ERC1: variants seen among roughly 807,000 people sequenced by gnomAD.
ERC1 encodes RAB6 interacting protein 2.
ERC1 carries 56 observed loss-of-function variants against 132.0 expected under a neutral mutation model. The ratio of observed to expected loss-of-function variants is 0.42; its 90% CI spans 0.34 to 0.53. The LOEUF is 0.53. Among genes scored for constraint, ERC1 ranks in the 20% least tolerant of loss-of-function variants. The probability of loss-of-function intolerance (pLI) is 0.03; values close to 1 mark genes in which losing one functional copy is unlikely to be tolerated. For missense variants in ERC1, 1,202 were observed against 1,349.9 expected, an observed-to-expected ratio of 0.89 and a Z score of 1.72; for synonymous variants, 478 against 476.1, an observed-to-expected ratio of 1.00 and a Z score of -0.05.
At chr12:1,482,699 G>A (rs2094117370) in intron 18 of ERC1, among the ~76,000 whole-genome samples, 2 of 151,916 alleles carry the variant, frequency 1.3e-5, no homozygotes, top group Admixed American at 1.3e-4. Context: ...CACCTGCCTC[G>A]GCCTCCCAAA....
Position 1,180,299 on chromosome 12 carries a change from G to A in ERC1, c.1738-241G>A, listed in dbSNP as rs143619693. 2.9e-3 allele frequency among the ~76,000 whole-genome samples: 380 copies of A among 130,194 alleles called. 2 individuals are homozygous for A. The highest frequency in any genetic ancestry group is 7.5e-3 in the Admixed American group (108 of 14,312). 85.4% of individuals were successfully genotyped at this position (130,194 alleles called of 152,430 possible). On this transcript the variant is annotated intron_variant, in intron 8 of 18. Transcript: ENST00000360905. ...TGTGTGTGTGCGCGCACGCGTGTGC[G>A]CGCGCGCATACACATGTGTACTTTT...
At chr12:999,670 G>A (rs182533571) in intron 1 of ERC1, among the ~76,000 whole-genome samples, 3 of 128,050 alleles carry the variant, frequency 2.3e-5, no homozygotes, top group African/African-American at 8.7e-5. Flanking sequence ...GGAGTGCAAT[G>A]GTGCAACCTC....
intron 8 of ERC1, among the ~76,000 whole-genome samples, chr12:1,154,152 T>A (rs928921139): frequency 1.3e-5 from 2 of 151,906 alleles, no homozygotes; most frequent in Non-Finnish European, 2.9e-5. Flanking sequence ...TCCAGGTTGC[T>A]GCAAAAGACA....
chr12:1,392,613 G>T (rs77021246), intron 16 of ERC1, among the ~76,000 whole-genome samples: 9,574 of 151,962 alleles, frequency 0.063, 372 homozygotes, highest in East Asian at 0.13. Context: ...GTCCTTAATG[G>T]GTATTCATTT....
At chr12:1,294,951 C>CAT (rs1251222764) in intron 15 of ERC1, among the ~76,000 whole-genome samples, 2 of 152,148 alleles carry the variant, frequency 1.3e-5, no homozygotes, top group East Asian at 3.9e-4. Flanking sequence ...TCCATTTAAT[C>CAT]ATAAGCTTTT....
intron 2 of ERC1, among the ~76,000 whole-genome samples, chr12:1,059,105 G>A (rs1204151343): frequency 6.6e-6 from 1 of 152,082 alleles, no homozygotes; most frequent in Non-Finnish European, 1.5e-5. Flanking sequence ...TATTGTAAAT[G>A]GGATTGCATT....
rs551519806 is a variant in ERC1 at position 1,049,108 on chromosome 12, A to G, written c.669+20536A>G. On this transcript the variant is annotated intron_variant, in intron 2 of 18. Coordinates refer to ENST00000360905, the MANE Select transcript of ERC1 (RefSeq NM_178040.4). ...GTTTGGTTTTTTAAAAAAACCTGGC[A>G]GGCCAGAGTAAGCAAATTGTTTTTT... Among the ~76,000 whole-genome samples the G allele has an allele frequency of 2.0e-5, 3 of 152,356 alleles. No homozygotes were observed. The South Asian group carries it at 6.2e-4, about 32-fold the overall frequency.
In ERC1 at chr12:1,418,720, TTCTTTTTG is replaced by T. The variant is rs1350706165; in HGVS notation, c.3024+10474_3024+10481del. On this transcript the variant is annotated intron_variant, in intron 17 of 18. Coordinates refer to ENST00000360905, the MANE Select transcript of ERC1 (RefSeq NM_178040.4). ...TTTCTTTCTTTCTTTCTTTCTTTCT[TTCTTTTTG>T]GAGACAGGATCTCTCTCTCTGTCGC... Among the ~76,000 whole-genome samples the T allele has an allele frequency of 2.1e-5, 3 of 140,926 alleles. No homozygotes were observed. The Admixed American group carries it at 2.1e-4, about 10-fold the overall frequency. The allele number at this position is 140,926 out of a possible 152,430, so 92.5% of individuals were successfully genotyped here.
At chr12:1,220,638 A>G (rs532297789) in intron 12 of ERC1, among the ~76,000 whole-genome samples, 4 of 152,242 alleles carry the variant, frequency 2.6e-5, no homozygotes, top group Non-Finnish European at 4.4e-5. Context: ...TTGGCAAACT[A>G]CAGCTCATCT....
chr12:1,421,140 C>G (rs552476296), intron 17 of ERC1, among the ~76,000 whole-genome samples: 1 of 152,226 alleles, frequency 6.6e-6, no homozygotes, highest in South Asian at 2.1e-4. Context: ...ACTCTTCTAG[C>G]TATTGAAAAA....
intron 8 of ERC1, among the ~76,000 whole-genome samples, chr12:1,142,263 C>G (rs761392601): frequency 6.6e-6 from 1 of 152,172 alleles, no homozygotes; most frequent in Non-Finnish European, 1.5e-5. Context: ...CTTACTGTTC[C>G]TTAGTGCTTG....
chr12:1,020,463 AC>A (rs1252673551), intron 1 of ERC1, among the ~76,000 whole-genome samples: 2 of 152,216 alleles, frequency 1.3e-5, no homozygotes, highest in African/African-American at 4.8e-5. Flanking sequence ...TCTCAACAAA[AC>A]AAAACAAAAA....
intron 1 of ERC1, among the ~76,000 whole-genome samples, chr12:992,833 G>C (rs569456931): frequency 6.6e-6 from 1 of 152,346 alleles, no homozygotes; most frequent in African/African-American, 2.4e-5. Flanking sequence ...GTAATGGATG[G>C]AAGTAGACAT....
chr12:1,288,065 T>G (rs113812568), intron 14 of ERC1, among the ~76,000 whole-genome samples: 9 of 152,368 alleles, frequency 5.9e-5, no homozygotes, highest in African/African-American at 2.2e-4. Flanking sequence ...AGAGATTATG[T>G]TGAACCTGTA....
intron 14 of ERC1, among the ~76,000 whole-genome samples, chr12:1,265,507 C>G (rs1313482136): frequency 6.6e-6 from 1 of 152,142 alleles, no homozygotes; most frequent in African/African-American, 2.4e-5. Flanking sequence ...CTCAGTTTCC[C>G]CTATTATTAA....
intron 13 of ERC1, among the ~76,000 whole-genome samples, chr12:1,259,193 T>C (rs1476372082): frequency 3.3e-5 from 5 of 152,210 alleles, no homozygotes; most frequent in Non-Finnish European, 7.3e-5. Context: ...TTCCTCTTCC[T>C]CTGAGATGAC....
At position 1,492,592 on chromosome 12, in the gene ERC1, C is replaced by T; in HGVS notation, c.*2362C>T. ...TCATCTCAGCATTCTCCATCACTTC[C>T]CCTCCAGAAAAACGGATGGAAGGAA... On this transcript the variant is annotated 3_prime_UTR_variant, in exon 19 of 19. Transcript: ENST00000360905. 4.3e-6 allele frequency: 1 copy of T among 233,172 alleles called. No homozygotes were observed. The highest frequency in any genetic ancestry group is 6.0e-5 in the East Asian group (1 of 16,580). 14.4% of individuals were successfully genotyped at this position (233,172 alleles called of 1,614,324 possible). A position where few individuals can be genotyped will look rare whatever the true frequency, so the allele number is the denominator to read the frequency against.
Position 1,112,281 on chromosome 12 carries a change from G to T in ERC1, c.1384G>T (p.Ala462Ser), listed in dbSNP as rs763802641. ...AQWEELKKKA[A>S]GLQAEIGQVK... ...ATGGGAGGAGCTGAAAAAGAAAGCG[G>T]CTGGTCTTCAGGCTGAGGTCTTTGC... is the stretch of plus-strand genomic sequence containing the variant. Residue 462 changes from alanine (A) to serine (S), a missense_variant, in exon 6 of 19, where the codon GCT becomes TCT. By Grantham distance (99) the Ala-to-Ser change is moderately conservative. Transcript: ENST00000360905. 4 of 1,612,938 alleles carry T rather than the reference G, an allele frequency of 2.5e-6. No homozygotes were observed. Among genetic ancestry groups the T allele is most frequent in the Non-Finnish European group, 3.4e-6 (4 of 1,179,184 alleles).
At chr12:1,111,074 A>G (rs187965067) in intron 5 of ERC1, among the ~76,000 whole-genome samples, 12 of 152,196 alleles carry the variant, frequency 7.9e-5, no homozygotes, top group Admixed American at 3.9e-4. Flanking sequence ...CTGTAACGGA[A>G]AGCCCTTTCT....
Sources: allele counts gnomAD v4.1 joint callset (sites outside exome capture counted in the v4.1 genomes callset), GRCh38; gene constraint gnomAD v4.1.1; transcripts MANE v1.5; gene names NCBI Gene and HGNC (gene_info 2026-07-23, HGNC 2026-07-21).